Variants in TRPM7 observed in about 807,000 individuals in gnomAD.
TRPM7 encodes transient receptor potential cation channel subfamily M member 7, also known as LTRPC ion channel family member 7.
Under a neutral mutation model 229.7 loss-of-function variants are expected in TRPM7, and 134 were observed. The observed-to-expected ratio is 0.58, with a 90% CI of 0.51 to 0.67. The LOEUF (loss-of-function observed/expected upper bound fraction) is 0.67. Ranked by LOEUF, TRPM7 falls within the 30% of genes least tolerant of loss-of-function variation. TRPM7 has a pLI of 0.00. For synonymous variants in TRPM7, 699 were observed against 715.2 expected, an observed-to-expected ratio of 0.98 and a Z score of 0.36; for missense variants, 1,901 against 2,210.0, an observed-to-expected ratio of 0.86 and a Z score of 2.80.
At position 50,647,200 on chromosome 15, in the gene TRPM7, G is replaced by A. The variant is rs143340622; in HGVS notation, c.321+1487C>T. Among the ~76,000 whole-genome samples, 1,075 of 152,158 alleles carry A rather than the reference G, an allele frequency of 7.1e-3. 7 individuals carry two copies. The highest frequency in any genetic ancestry group is 0.011 in the South Asian group (55 of 4,812). ...GGCTGGAGTGCAGTGGCGCGATCTC[G>A]GTTCACTGCAACCTTCACCTCCCAA... On this transcript the variant is annotated intron_variant, in intron 4 of 38. Coordinates refer to ENST00000646667, the MANE Select transcript of TRPM7 (RefSeq NM_017672.6).
intron 6 of TRPM7, 132 bp from the exon 7 acceptor site, chr15:50,637,725 G>T: frequency 1.2e-6 from 1 of 807,574 alleles, no homozygotes. Flanking sequence ...AATACCAAAT[G>T]ACAAAGAATG....
rs8034412 is a variant in TRPM7 at position 50,660,697 on chromosome 15, G to T, written c.83+2270C>A. ...TTCTACTTATCACGTTTTCTTGATG[G>T]TGATGGAAAATGTTACTCCAGTCAT... On this transcript the variant is annotated intron_variant, in intron 2 of 38. Coordinates refer to ENST00000646667, the MANE Select transcript of TRPM7 (RefSeq NM_017672.6). 6.3e-4 allele frequency among the ~76,000 whole-genome samples: 96 copies of T among 152,256 alleles called. No homozygotes were observed. The East Asian group carries it at 0.013, about 21-fold the overall frequency.
At chr15:50,679,538 A>ATATTTTTTTTTTTTTTTTT (rs1400383980) in intron 1 of TRPM7, among the ~76,000 whole-genome samples, 1 of 43,904 alleles carries the variant, frequency 2.3e-5, no homozygotes, top group African/African-American at 1.1e-4. Context: ...ATATATATAT[A>ATATTTTTTTTTTTTTTTTT]TTTTTTTTTT....
chr15:50,599,396 T>G, intron 21 of TRPM7, 100 bp from the exon 22 acceptor site: 1 of 761,334 alleles, frequency 1.3e-6, no homozygotes, highest in South Asian at 3.2e-5. Flanking sequence ...AAAAATCCAT[T>G]AAACACAAAA....
In TRPM7 at chr15:50,612,792, G is replaced by A. The variant is rs1004581054; in HGVS notation, c.1808C>T (p.Thr603Ile). Residue 603 changes from threonine to isoleucine, a missense_variant, in exon 16 of 39, where the codon ACC (threonine) becomes ATC (isoleucine). Thr to Ile is a moderately conservative substitution (Grantham distance 89, BLOSUM62 -1). Transcript: ENST00000646667. Reference protein sequence around the residue: ...TVMEEGKKKRTKDEIVDIDDP... With the variant: ...TVMEEGKKKRIKDEIVDIDDP... The stretch of plus-strand genomic sequence containing the variant: ...ATCAATGTCTACAATTTCATCTTTG[G>A]TTCTTTTCTTCTTTCCTTCTTCCAT... The A allele has an allele frequency of 3.7e-6, 6 of 1,613,472 alleles. No individual in the cohort carries two copies. The African/African-American group carries it at 6.7e-5, about 18-fold the overall frequency.
At chr15:50,594,771 A>T (rs900957267) in intron 23 of TRPM7, among the ~76,000 whole-genome samples, 158 bp from the exon 24 acceptor site, 16 of 152,246 alleles carry the variant, frequency 1.1e-4, no homozygotes, top group Non-Finnish European at 1.9e-4. Flanking sequence ...GAAAAGATAC[A>T]GGCAGTAAGT....
chr15:50,592,534 T>C lies in TRPM7; in HGVS notation c.3701A>G (p.His1234Arg). The change falls in exon 26 of 39, where the codon CAT (histidine) becomes CGT (arginine). Residue 1234 changes from histidine (H) to arginine (R), a missense_variant. Around this residue, in one of 8 missense-constraint regions of TRPM7, gnomAD observed 533 missense variants for 497.1 expected, o/e 1.07. Coordinates refer to ENST00000646667, the MANE Select transcript of TRPM7 (RefSeq NM_017672.6). Reference sequence around the variant, plus strand: ...CGTCAGGGCTGAAAGATCTTGCAAATGGCCAATTTGAGAATCTAATGATTG... The same window carrying C: ...CGTCAGGGCTGAAAGATCTTGCAAACGGCCAATTTGAGAATCTAATGATTG... ...SLQSLDSQIG[H>R]LQDLSALTVD... 5 of 1,613,442 alleles carry C rather than the reference T, an allele frequency of 3.1e-6. No individual in the cohort carries two copies. The highest frequency in any genetic ancestry group is 4.2e-6 in the Non-Finnish European group (5 of 1,180,010).
intron 38 of TRPM7, among the ~76,000 whole-genome samples, chr15:50,564,929 AGT>A (rs1396979791): frequency 6.6e-6 from 1 of 152,174 alleles, no homozygotes; most frequent in African/African-American, 2.4e-5. Flanking sequence ...TTAACTAGTA[AGT>A]GTATCAATGA....
chr15:50,614,335 A>T lies in TRPM7; in HGVS notation c.1495-72T>A. 7 of 1,326,786 alleles carry T rather than the reference A, an allele frequency of 5.3e-6. No homozygotes were observed. In the East Asian group the frequency reaches 1.7e-4, roughly 31 times the overall value. The allele number at this position is 1,326,786 out of a possible 1,614,324, so 82.2% of individuals were successfully genotyped here. A position where few individuals can be genotyped will look rare whatever the true frequency, so the allele number is the denominator to read the frequency against. On this transcript the variant is annotated intron_variant, in intron 13 of 38. Transcript: ENST00000646667. ...ATATTGCCATGCCCTGCCTAGGAAC[A>T]GGCCTACTCTCCAAAATGACAAATG...
chr15:50,615,401 A>G (rs528404688), intron 13 of TRPM7, among the ~76,000 whole-genome samples: 1 of 152,252 alleles, frequency 6.6e-6, no homozygotes, highest in East Asian at 1.9e-4. Flanking sequence ...AACATTGTTT[A>G]AAGATAAGAC....
intron 22 of TRPM7, among the ~76,000 whole-genome samples, chr15:50,596,813 C>T (rs544183147): frequency 4.6e-5 from 7 of 152,078 alleles, no homozygotes; most frequent in African/African-American, 1.2e-4. Context: ...TGCAGTGGCG[C>T]GATCTCGGCT....
At chr15:50,634,231 A>G (rs2060819982) in intron 8 of TRPM7, 151 bp downstream of exon 8, 1 of 468,204 alleles carries the variant, frequency 2.1e-6, no homozygotes, top group Non-Finnish European at 3.4e-6. Flanking sequence ...TGAGGCAGGA[A>G]AATCGCTTGA....
intron 29 of TRPM7, among the ~76,000 whole-genome samples, chr15:50,581,755 T>C (rs2054425169): frequency 6.6e-6 from 1 of 152,202 alleles, no homozygotes; most frequent in Non-Finnish European, 1.5e-5. Flanking sequence ...ATTTTATCAT[T>C]TTGTAAAATT....
chr15:50,570,677 TAA>T (rs149970874), intron 36 of TRPM7, among the ~76,000 whole-genome samples: 23,866 of 91,350 alleles, frequency 0.26, 2,789 homozygotes, highest in Middle Eastern at 0.36. Context: ...ACTTCATTCC[TAA>T]AAAAAAAAAA....
intron 4 of TRPM7, among the ~76,000 whole-genome samples, chr15:50,646,257 A>G (rs745326900): frequency 1.3e-5 from 2 of 152,084 alleles, no homozygotes; most frequent in Non-Finnish European, 2.9e-5. Flanking sequence ...CAGGCAGAAC[A>G]ATGTAGAGGT....
At chr15:50,596,218 AATC>A in intron 23 of TRPM7, 34 bp downstream of exon 23, 1 of 1,356,396 alleles carries the variant, frequency 7.4e-7, no homozygotes, top group Non-Finnish European at 9.8e-7. Flanking sequence ...TTGCATATTA[AATC>A]ATCTTATAAC....
rs938921805 is a variant in TRPM7 at position 50,560,518 on chromosome 15, C to G, written c.*1160G>C. 1 of 149,740 alleles carries G rather than the reference C, an allele frequency of 6.7e-6. No homozygotes were observed. Among genetic ancestry groups the G allele is most frequent in the Non-Finnish European group, 1.5e-5 (1 of 67,362 alleles). 9.3% of individuals were successfully genotyped at this position (149,740 alleles called of 1,614,324 possible). ...TTCCAAATAAAAATTAAAATTAGTA[C>G]CAAGGAAACAAAAGAAAAAGAAAAA... On this transcript the variant is annotated 3_prime_UTR_variant, in exon 39 of 39. Transcript: ENST00000646667.
Position 50,567,041 on chromosome 15 carries a change from TA to T in TRPM7, c.5467+2845del, listed in dbSNP as rs201489892. ...ACTTTATGCCCCCAAATTTGACAAT[TA>T]AAAAAAAAAATGGACCAATTCCTTA... On this transcript the variant is annotated intron_variant, in intron 38 of 38. Coordinates refer to ENST00000646667, the MANE Select transcript of TRPM7 (RefSeq NM_017672.6). 5.1e-3 allele frequency among the ~76,000 whole-genome samples: 745 copies of T among 145,348 alleles called. 2 individuals are homozygous for T. The highest frequency in any genetic ancestry group is 0.016 in the African/African-American group (647 of 40,112).
At chr15:50,665,393 TA>T (rs5812523) in intron 1 of TRPM7, among the ~76,000 whole-genome samples, 47,370 of 135,636 alleles carry the variant, frequency 0.35, 9,121 homozygotes, top group Admixed American at 0.49. Context: ...AAACTCTGTC[TA>T]AAAAAAAAAA....
Sources: allele counts gnomAD v4.1 joint callset (sites outside exome capture counted in the v4.1 genomes callset), GRCh38; gene constraint gnomAD v4.1.1; regional missense constraint gnomAD v4.1.1; transcripts MANE v1.5; gene names NCBI Gene and HGNC (gene_info 2026-07-23, HGNC 2026-07-21).